The following YTHDF3 variants were observed in gnomAD, a reference collection of about 807,000 sequenced individuals.
The protein encoded by YTHDF3 is YTH domain-containing family protein 3.
In YTHDF3, 9 loss-of-function variants were observed where a neutral mutation model predicts 52.5. The observed-to-expected ratio is 0.17, with a 90% confidence interval of 0.10 to 0.30. YTHDF3 has a LOEUF of 0.30. Ranked by LOEUF, YTHDF3 falls within the 10% of genes least tolerant of loss-of-function variation. The pLI is 1.00. For synonymous variants in YTHDF3, 274 were observed against 243.3 expected (o/e 1.13, Z -1.18); for missense variants, 534 against 715.0 (o/e 0.75, Z 2.89).
At chr8:63,176,531 C>G (rs927828953) in intron 3 of YTHDF3, among the ~76,000 whole-genome samples, 3 of 152,080 alleles carry the variant, frequency 2.0e-5, no homozygotes, top group Admixed American at 1.3e-4. Flanking sequence ...CCGCCCGCCT[C>G]GGCCTCCCAA....
intron 4 of YTHDF3, among the ~76,000 whole-genome samples, chr8:63,197,195 C>G (rs910814071): frequency 1.3e-5 from 2 of 152,210 alleles, no homozygotes; most frequent in Non-Finnish European, 2.9e-5. Flanking sequence ...TGCTGAATCC[C>G]TAGCACCTAG....
chr8:63,191,033 G>T (rs540579220), intron 4 of YTHDF3, among the ~76,000 whole-genome samples: 2 of 152,244 alleles, frequency 1.3e-5, no homozygotes, highest in South Asian at 2.1e-4. Context: ...ATTCTTTCTA[G>T]TCAACAGCCT....
chr8:63,204,543 G>T (rs927912197), intron 4 of YTHDF3, among the ~76,000 whole-genome samples: 1 of 152,024 alleles, frequency 6.6e-6, no homozygotes, highest in African/African-American at 2.4e-5. Context: ...GTATTATTTA[G>T]TAGAGACGGG....
At position 63,180,263 on chromosome 8, in the gene YTHDF3, C is replaced by T. The variant is rs1398066978; in HGVS notation, c.135+4847C>T. Reference sequence around the variant, plus strand: ...GGGTTTCCTCACTTCTCAGACGGGGCGGCCGGGCAGAGATGCTCCTCACAT... The same window carrying T: ...GGGTTTCCTCACTTCTCAGACGGGGTGGCCGGGCAGAGATGCTCCTCACAT... On this transcript the variant is annotated intron_variant, in intron 3 of 4. Coordinates refer to ENST00000539294, the MANE Select transcript of YTHDF3 (RefSeq NM_152758.6). 2.7e-5 allele frequency among the ~76,000 whole-genome samples: 4 copies of T among 150,206 alleles called. No individual in the cohort carries two copies. In the South Asian group the frequency reaches 6.3e-4, roughly 24 times the overall value.
chr8:63,187,043 G>C lies in YTHDF3; in HGVS notation c.1032G>C (p.Gln344His). Residue 344 changes from glutamine (Q) to histidine (H), a missense_variant, in exon 4 of 5, where the codon CAG (glutamine) becomes CAC (histidine). Physicochemically the swap from Gln to His is conservative, Grantham distance 24. Coordinates refer to ENST00000539294, the MANE Select transcript of YTHDF3 (RefSeq NM_152758.6). ...PQPQAQPHQV[Q>H]PQQQQLQNRW... ...CACAGGCCCAGCCTCACCAAGTGCA[G>C]CCTCAACAGCAGCAGCTGCAGAATC... 1 of 1,613,562 alleles carries C rather than the reference G, an allele frequency of 6.2e-7. No individual in the cohort carries two copies. Among genetic ancestry groups the C allele is most frequent in the South Asian group, 1.1e-5 (1 of 91,030 alleles).
At chr8:63,202,271 A>C (rs540463885) in intron 4 of YTHDF3, among the ~76,000 whole-genome samples, 1 of 152,320 alleles carries the variant, frequency 6.6e-6, no homozygotes, top group South Asian at 2.1e-4. Flanking sequence ...AATTAGTTTT[A>C]CAGTGCAGAA....
chr8:63,202,627 A>C (rs1050523661), intron 4 of YTHDF3, among the ~76,000 whole-genome samples: 1 of 151,740 alleles, frequency 6.6e-6, no homozygotes, highest in East Asian at 1.9e-4. Context: ...ACACCCAGCT[A>C]ATTTTTTGTA....
In YTHDF3 at chr8:63,209,824, C is replaced by A; in HGVS notation, c.*118C>A. 2 of 1,015,088 alleles carry A rather than the reference C, an allele frequency of 2.0e-6. No homozygotes were observed. Among genetic ancestry groups the A allele is most frequent in the African/African-American group, 1.6e-5 (1 of 60,736 alleles). 62.9% of individuals were successfully genotyped at this position (1,015,088 alleles called of 1,614,324 possible). The stretch of plus-strand genomic sequence containing the variant: ...CTGCTTAAGGTGACATCTTTGAACA[C>A]TTTAACACAAAGTTGACTCTTCTCG... On this transcript the variant is annotated 3_prime_UTR_variant, in exon 5 of 5. Coordinates refer to ENST00000539294, the MANE Select transcript of YTHDF3 (RefSeq NM_152758.6).
At chr8:63,179,995 C>G (rs1262010740) in intron 3 of YTHDF3, among the ~76,000 whole-genome samples, 1 of 150,996 alleles carries the variant, frequency 6.6e-6, no homozygotes, top group Non-Finnish European at 1.5e-5. Context: ...ACCTCCCTCC[C>G]GGATGGGGCG....
Position 63,209,789 on chromosome 8 carries a change from AAG to A in YTHDF3, c.*84_*85del. 7.3e-7 allele frequency: 1 copy of A among 1,373,144 alleles called. No individual in the cohort carries two copies. 85.1% of individuals were successfully genotyped at this position (1,373,144 alleles called of 1,614,324 possible). On this transcript the variant is annotated 3_prime_UTR_variant, in exon 5 of 5. Coordinates refer to ENST00000539294, the MANE Select transcript of YTHDF3 (RefSeq NM_152758.6). ...CTAATAAGTCAAAGAAGACGTATTA[AAG>A]CTCTTTTCTGCTTAAGGTGACATCT...
intron 4 of YTHDF3, among the ~76,000 whole-genome samples, chr8:63,209,211 AAGAG>A (rs910505686): frequency 2.6e-5 from 4 of 152,152 alleles, no homozygotes; most frequent in Admixed American, 2.0e-4. Context: ...CGTGTGCTGA[AAGAG>A]AGAGTGTAAG....
At chr8:63,191,344 T>C (rs1183346317) in intron 4 of YTHDF3, among the ~76,000 whole-genome samples, 1 of 152,160 alleles carries the variant, frequency 6.6e-6, no homozygotes, top group Non-Finnish European at 1.5e-5. Context: ...ATTTGGAGGA[T>C]TTGAATTTTC....
At chr8:63,190,550 C>G (rs1185112899) in intron 4 of YTHDF3, among the ~76,000 whole-genome samples, 7 of 152,092 alleles carry the variant, frequency 4.6e-5, no homozygotes, top group Non-Finnish European at 1.0e-4. Context: ...TAAGTCCAGC[C>G]TAAAGGTTTT....
intron 2 of YTHDF3, chr8:63,172,608 T>G (rs1807403525): frequency 2.5e-6 from 1 of 405,616 alleles, no homozygotes; most frequent in Non-Finnish European, 4.3e-6. Context: ...CACAACATCC[T>G]TGTAAGGAGA....
intron 3 of YTHDF3, among the ~76,000 whole-genome samples, chr8:63,179,671 C>T (rs545296014): frequency 8.3e-4 from 126 of 152,366 alleles, no homozygotes; most frequent in Admixed American, 4.1e-3. Context: ...CCCCACCCCT[C>T]CCCCCTTTCT....
intron 2 of YTHDF3, among the ~76,000 whole-genome samples, chr8:63,174,542 C>T (rs1307344286): frequency 2.0e-5 from 3 of 152,172 alleles, no homozygotes; most frequent in Non-Finnish European, 4.4e-5. Context: ...GATTCAAATT[C>T]GGGACCTTAC....
intron 4 of YTHDF3, among the ~76,000 whole-genome samples, chr8:63,190,491 A>G (rs922944999): frequency 6.6e-6 from 1 of 152,106 alleles, no homozygotes; most frequent in African/African-American, 2.4e-5. Flanking sequence ...ATATTGTTTC[A>G]TTGTTTTGTT....
intron 4 of YTHDF3, among the ~76,000 whole-genome samples, chr8:63,203,530 C>G (rs1244889751): frequency 6.6e-6 from 1 of 152,132 alleles, no homozygotes; most frequent in Non-Finnish European, 1.5e-5. Context: ...CAGGGAATTT[C>G]TGTATATTCT....
At chr8:63,192,257 G>T (rs1808960985) in intron 4 of YTHDF3, among the ~76,000 whole-genome samples, 1 of 152,140 alleles carries the variant, frequency 6.6e-6, no homozygotes, top group Non-Finnish European at 1.5e-5. Flanking sequence ...TTTGTGTTTA[G>T]TCATTGAACC....
Sources: allele counts gnomAD v4.1 joint callset (sites outside exome capture counted in the v4.1 genomes callset), GRCh38; gene constraint gnomAD v4.1.1; transcripts MANE v1.5; gene names NCBI Gene and HGNC (gene_info 2026-07-23, HGNC 2026-07-21).